The following SCN2A variants were observed in gnomAD, a reference collection of about 807,000 sequenced individuals.
SCN2A encodes the protein sodium voltage-gated channel alpha subunit 2.
SCN2A carries 20 observed loss-of-function variants against 188.7 expected under a neutral mutation model. The ratio of observed to expected loss-of-function variants is 0.11; its 90% CI spans 0.07 to 0.15. The LOEUF is 0.15. Among genes scored for constraint, SCN2A ranks in the 10% least tolerant of loss-of-function variants. The pLI, the probability that SCN2A is intolerant of heterozygous loss-of-function variation, is 1.00. For synonymous variants in SCN2A, 804 were observed against 833.1 expected, an observed-to-expected ratio of 0.97 and a Z score of 0.60; for missense variants, 1,278 against 2,445.0, an observed-to-expected ratio of 0.52 and a Z score of 10.07.
intron 2 of SCN2A, chr2:165,296,345 CT>C: frequency 2.0e-6 from 1 of 510,020 alleles, no homozygotes; most frequent in South Asian, 2.2e-5. Flanking sequence ...GGACAAAAGC[CT>C]ATTCACCTTC....
chr2:165,282,326 G>A (rs1353305878), intron 1 of SCN2A, among the ~76,000 whole-genome samples: 1 of 152,098 alleles, frequency 6.6e-6, no homozygotes, highest in African/African-American at 2.4e-5. Flanking sequence ...CCCAATTGAG[G>A]GCAGGTTGCT....
chr2:165,372,987 A>T, intron 20 of SCN2A: 1 of 395,532 alleles, frequency 2.5e-6, no homozygotes, highest in Non-Finnish European at 4.6e-6. Context: ...CTTTTTTATA[A>T]GTGTTCGCAG....
chr2:165,297,439 C>T (rs1249743906), intron 3 of SCN2A, among the ~76,000 whole-genome samples: 1 of 152,208 alleles, frequency 6.6e-6, no homozygotes, highest in Admixed American at 6.5e-5. Context: ...ACCAGGCTTT[C>T]CTCCTGTAAG....
intron 3 of SCN2A, among the ~76,000 whole-genome samples, chr2:165,304,845 C>A (rs375444139): frequency 6.6e-6 from 1 of 152,162 alleles, no homozygotes; most frequent in Admixed American, 6.5e-5. Flanking sequence ...GACCTCCTAG[C>A]GTCTTGACTC....
At chr2:165,289,931 A>G (rs1696025491) in intron 1 of SCN2A, among the ~76,000 whole-genome samples, 1 of 152,176 alleles carries the variant, frequency 6.6e-6, no homozygotes, top group African/African-American at 2.4e-5. Flanking sequence ...TAATTCCAGA[A>G]AATGTCTTAA....
At chr2:165,336,974 G>A (rs540685490) in intron 14 of SCN2A, among the ~76,000 whole-genome samples, 2 of 151,782 alleles carry the variant, frequency 1.3e-5, no homozygotes, top group East Asian at 1.9e-4. Flanking sequence ...AGATTAAAGC[G>A]GTACATAGAA....
At chr2:165,319,559 T>C (rs1392054198) in intron 11 of SCN2A, among the ~76,000 whole-genome samples, 1 of 152,162 alleles carries the variant, frequency 6.6e-6, no homozygotes, top group Non-Finnish European at 1.5e-5. Context: ...ACTGGGCAAT[T>C]TGGCAAAGGA....
chr2:165,356,687 G>T (rs1469765067), intron 17 of SCN2A, among the ~76,000 whole-genome samples: 2 of 152,124 alleles, frequency 1.3e-5, no homozygotes, highest in Non-Finnish European at 2.9e-5. Flanking sequence ...ATCTTTTGAG[G>T]AATGTTTAAC....
At chr2:165,360,070 TTC>T (rs1163745730) in intron 17 of SCN2A, among the ~76,000 whole-genome samples, 3 of 151,966 alleles carry the variant, frequency 2.0e-5, no homozygotes, top group Non-Finnish European at 4.4e-5. Flanking sequence ...ATTTGAAGTT[TTC>T]TCTTTTTTAA....
At chr2:165,346,782 G>T (rs1286274542) in intron 16 of SCN2A, among the ~76,000 whole-genome samples, 2 of 152,170 alleles carry the variant, frequency 1.3e-5, no homozygotes, top group East Asian at 3.8e-4. Flanking sequence ...GTGGGTGAAG[G>T]ATATGAACAG....
intron 1 of SCN2A, among the ~76,000 whole-genome samples, chr2:165,261,736 G>T (rs528747264): frequency 6.6e-6 from 1 of 152,132 alleles, no homozygotes; most frequent in Non-Finnish European, 1.5e-5. Context: ...CATTGTTTTA[G>T]TCACTCTGCA....
intron 22 of SCN2A, among the ~76,000 whole-genome samples, 161 bp from the exon 23 acceptor site, chr2:165,377,436 A>G (rs1267049580): frequency 6.6e-6 from 1 of 152,002 alleles, no homozygotes; most frequent in East Asian, 1.9e-4. Flanking sequence ...AGTATTTTCA[A>G]TGCATATCGC....
intron 17 of SCN2A, among the ~76,000 whole-genome samples, chr2:165,357,918 C>G (rs975992929): frequency 6.6e-6 from 1 of 152,098 alleles, no homozygotes; most frequent in African/African-American, 2.4e-5. Context: ...TTTTGACTGG[C>G]CTGCATGTTA....
At chr2:165,368,150 G>T (rs1700827132) in intron 19 of SCN2A, among the ~76,000 whole-genome samples, 1 of 152,144 alleles carries the variant, frequency 6.6e-6, no homozygotes, top group African/African-American at 2.4e-5. Flanking sequence ...GAGCTGAAAG[G>T]AGATGGAGCA....
chr2:165,366,562 A>G (rs1266516838), intron 18 of SCN2A, among the ~76,000 whole-genome samples: 1 of 151,880 alleles, frequency 6.6e-6, no homozygotes, highest in Non-Finnish European at 1.5e-5. Flanking sequence ...GTAAGACCCC[A>G]TCTCTACCGG....
At chr2:165,291,206 T>C (rs897060875) in intron 1 of SCN2A, among the ~76,000 whole-genome samples, 4 of 151,752 alleles carry the variant, frequency 2.6e-5, no homozygotes, top group Admixed American at 2.6e-4. Context: ...CATGCCCGGC[T>C]AATTTTTTCT....
At chr2:165,337,195 G>A (rs1299593795) in intron 14 of SCN2A, among the ~76,000 whole-genome samples, 2 of 152,044 alleles carry the variant, frequency 1.3e-5, no homozygotes, top group Non-Finnish European at 2.9e-5. Context: ...TTCACTGGAT[G>A]TGTTTAAAAC....
intron 1 of SCN2A, among the ~76,000 whole-genome samples, chr2:165,284,211 C>A (rs1179147794): frequency 1.3e-5 from 2 of 151,990 alleles, no homozygotes; most frequent in Non-Finnish European, 2.9e-5. Context: ...GGCTCTGTCG[C>A]CCAGGTTGGA....
Position 165,374,957 on chromosome 2 carries a change from A to G in SCN2A, c.4245A>G (p.Leu1415=). ...FDNVGLGYLS[L]LQVATFKGWM... ...ACGTAGGACTTGGATATCTGTCTCT[A>G]CTTCAAGTAGTAAGTAATCACTTTA... The change falls in exon 22 of 27, where the codon CTA becomes CTG. Residue 1415 remains leucine (L), a synonymous_variant. Transcript: ENST00000375437. 6.2e-7 allele frequency: 1 copy of G among 1,612,622 alleles called. No individual in the cohort carries two copies. The highest frequency in any genetic ancestry group is 1.3e-5 in the African/African-American group (1 of 74,996).
Sources: allele counts gnomAD v4.1 joint callset (sites outside exome capture counted in the v4.1 genomes callset), GRCh38; gene constraint gnomAD v4.1.1; transcripts MANE v1.5; gene names NCBI Gene and HGNC (gene_info 2026-07-23, HGNC 2026-07-21).